The following PCSK2 variants were observed in gnomAD, a reference collection of about 807,000 sequenced individuals.
PCSK2 encodes proprotein convertase subtilisin/kexin type 2.
A neutral mutation model predicts 69.7 loss-of-function variants in PCSK2; 14 were observed. The ratio of observed to expected loss-of-function variants is 0.20; its 90% CI spans 0.13 to 0.31. PCSK2 has a LOEUF of 0.31. Ranked by LOEUF, PCSK2 falls within the 10% of genes least tolerant of loss-of-function variation. The probability of loss-of-function intolerance (pLI) is 1.00; values close to 1 mark genes in which losing one functional copy is unlikely to be tolerated. For synonymous variants in PCSK2, 307 were observed against 320.7 expected (o/e 0.96, Z 0.46); for missense variants, 544 against 842.5 (o/e 0.65, Z 4.39).
At chr20:17,329,155 C>G (rs938846732) in intron 2 of PCSK2, among the ~76,000 whole-genome samples, 1 of 152,158 alleles carries the variant, frequency 6.6e-6, no homozygotes, top group Non-Finnish European at 1.5e-5. Flanking sequence ...AGTAATTTCT[C>G]TTTGTATTTG....
At chr20:17,276,470 A>ACACG (rs1988081999) in intron 2 of PCSK2, among the ~76,000 whole-genome samples, 1 of 151,904 alleles carries the variant, frequency 6.6e-6, no homozygotes. Context: ...ACACACACAC[A>ACACG]CACACACACA....
chr20:17,298,727 A>G (rs1047627467), intron 2 of PCSK2, among the ~76,000 whole-genome samples: 4 of 152,162 alleles, frequency 2.6e-5, no homozygotes, highest in African/African-American at 9.7e-5. Flanking sequence ...CTCTATAGAA[A>G]GGAGGAATTA....
intron 6 of PCSK2, among the ~76,000 whole-genome samples, chr20:17,411,707 C>A (rs1043359018): frequency 6.6e-6 from 1 of 152,240 alleles, no homozygotes. Flanking sequence ...GGACAGACTG[C>A]CTCCTCAAGT....
At chr20:17,269,956 A>T (rs1987796924) in intron 2 of PCSK2, among the ~76,000 whole-genome samples, 1 of 152,160 alleles carries the variant, frequency 6.6e-6, no homozygotes, top group African/African-American at 2.4e-5. Flanking sequence ...TTTCAGAAAG[A>T]TATAGTTTTT....
rs144096702 is a variant in PCSK2 at position 17,290,427 on chromosome 20, C to A, written c.282+30083C>A. Among the ~76,000 whole-genome samples, 33 of 152,248 alleles carry A rather than the reference C, an allele frequency of 2.2e-4. No individual in the cohort carries two copies. In the East Asian group the frequency reaches 6.4e-3, roughly 29 times the overall value. ...TTAAATTTCTAATAATCATATTTGT[C>A]CCTGCTAATTATCACCATGTGCCCA... On this transcript the variant is annotated intron_variant, in intron 2 of 11. Coordinates refer to ENST00000262545, the MANE Select transcript of PCSK2 (RefSeq NM_002594.5).
chr20:17,330,949 A>T (rs1300501299), intron 2 of PCSK2, among the ~76,000 whole-genome samples: 1 of 152,192 alleles, frequency 6.6e-6, no homozygotes, highest in Non-Finnish European at 1.5e-5. Context: ...AGGGGAAAAA[A>T]ATCTTTGTCA....
In PCSK2 at chr20:17,483,173, G is replaced by T. The variant is rs1290684062; in HGVS notation, c.*1103G>T. Reference sequence around the variant, plus strand: ...CCTCTGTCCCGGAAGAGTCATGGGAGGTGAAAGGGGCACGTTTGAAGATGC... The same window carrying T: ...CCTCTGTCCCGGAAGAGTCATGGGATGTGAAAGGGGCACGTTTGAAGATGC... On this transcript the variant is annotated 3_prime_UTR_variant, in exon 12 of 12. Coordinates refer to ENST00000262545, the MANE Select transcript of PCSK2 (RefSeq NM_002594.5). 6.6e-6 allele frequency: 1 copy of T among 152,100 alleles called. No individual in the cohort carries two copies. The highest frequency in any genetic ancestry group is 2.4e-5 in the African/African-American group (1 of 41,408). 9.4% of individuals were successfully genotyped at this position (152,100 alleles called of 1,614,324 possible). A position where few individuals can be genotyped will look rare whatever the true frequency, so the allele number is the denominator to read the frequency against.
chr20:17,356,284 G>A (rs914044329), intron 2 of PCSK2, among the ~76,000 whole-genome samples: 2 of 152,162 alleles, frequency 1.3e-5, no homozygotes, highest in Admixed American at 1.3e-4. Flanking sequence ...TCTTTGGGGA[G>A]ATTTTTTTTT....
chr20:17,227,239 T>A lies in PCSK2; in HGVS notation c.-67T>A, dbSNP rs1985951107. On this transcript the variant is annotated 5_prime_UTR_variant, in exon 1 of 12. Coordinates refer to ENST00000262545, the MANE Select transcript of PCSK2 (RefSeq NM_002594.5). ...ATATAAGAATTCTTTATTTGCACCC[T>A]CCCTCCGAGTCCCCTGCTCCGCCAG... 1.8e-6 allele frequency: 2 copies of A among 1,081,642 alleles called. No homozygotes were observed. Among genetic ancestry groups the A allele is most frequent in the Non-Finnish European group, 2.8e-6 (2 of 710,728 alleles). 67.0% of individuals were successfully genotyped at this position (1,081,642 alleles called of 1,614,324 possible).
intron 2 of PCSK2, among the ~76,000 whole-genome samples, chr20:17,315,088 C>T (rs190331871): frequency 2.0e-5 from 3 of 152,170 alleles, no homozygotes; most frequent in Admixed American, 2.0e-4. Context: ...GAAAACCCTG[C>T]GGCTTTCTCT....
chr20:17,281,677 C>T (rs1485428695), intron 2 of PCSK2, among the ~76,000 whole-genome samples: 1 of 152,156 alleles, frequency 6.6e-6, no homozygotes, highest in African/African-American at 2.4e-5. Context: ...TTTGCTGCCC[C>T]CTGTTGGTTG....
Position 17,484,541 on chromosome 20 carries a change from A to G in PCSK2, c.*2471A>G, listed in dbSNP as rs1417944972. 3.3e-5 allele frequency: 5 copies of G among 152,450 alleles called. No homozygotes were observed. Among genetic ancestry groups the G allele is most frequent in the Non-Finnish European group, 5.9e-5 (4 of 68,016 alleles). The allele number at this position is 152,450 out of a possible 1,614,324, so 9.4% of individuals were successfully genotyped here. A position where few individuals can be genotyped will look rare whatever the true frequency, so the allele number is the denominator to read the frequency against. ...GCAAATTTCAAAAGACATGTTGTAA[A>G]TTAGGAGGCTCAACAATAAAACATT... is the stretch of plus-strand genomic sequence containing the variant. On this transcript the variant is annotated 3_prime_UTR_variant, in exon 12 of 12. Transcript: ENST00000262545.
At chr20:17,375,563 G>A (rs748685790) in intron 5 of PCSK2, among the ~76,000 whole-genome samples, 13 of 152,162 alleles carry the variant, frequency 8.5e-5, no homozygotes, top group Non-Finnish European at 1.6e-4. Flanking sequence ...AATCCCTAAG[G>A]TGGGCAAAGG....
intron 1 of PCSK2, among the ~76,000 whole-genome samples, chr20:17,253,664 A>G (rs1578406): frequency 0.86 from 131,133 of 152,190 alleles, 56,710 homozygotes; most frequent in Admixed American, 0.9. Flanking sequence ...ATGTTGCTAT[A>G]AACATTTGTA....
At chr20:17,296,635 G>T (rs6111491) in intron 2 of PCSK2, among the ~76,000 whole-genome samples, 1 of 152,176 alleles carries the variant, frequency 6.6e-6, no homozygotes, top group Non-Finnish European at 1.5e-5. Flanking sequence ...GGGAAGGAAA[G>T]AGAGCACGTG....
chr20:17,236,202 G>A (rs1440270694), intron 1 of PCSK2, among the ~76,000 whole-genome samples: 3 of 151,944 alleles, frequency 2.0e-5, no homozygotes, highest in African/African-American at 4.8e-5. Context: ...AAATCATTCA[G>A]TTTAATTATT....
chr20:17,324,947 G>T (rs982062730), intron 2 of PCSK2, among the ~76,000 whole-genome samples: 1 of 152,032 alleles, frequency 6.6e-6, no homozygotes, highest in East Asian at 1.9e-4. Flanking sequence ...GTGCAGTGTC[G>T]CGAGGCCACC....
chr20:17,357,889 T>A (rs149602122), intron 2 of PCSK2, among the ~76,000 whole-genome samples: 1,951 of 143,614 alleles, frequency 0.014, 14 homozygotes, highest in East Asian at 0.039. Context: ...AGCGAAACTC[T>A]GTCTCAAAAA....
chr20:17,437,663 G>A (rs1387224736), intron 8 of PCSK2, among the ~76,000 whole-genome samples: 1 of 152,218 alleles, frequency 6.6e-6, no homozygotes, highest in Non-Finnish European at 1.5e-5. Context: ...AGAAGTGCCT[G>A]CAAAGAGTCA....
Sources: allele counts gnomAD v4.1 joint callset (sites outside exome capture counted in the v4.1 genomes callset), GRCh38; gene constraint gnomAD v4.1.1; transcripts MANE v1.5; gene names NCBI Gene and HGNC (gene_info 2026-07-23, HGNC 2026-07-21).